Variants in SLC47A2 observed in about 807,000 individuals in gnomAD.
SLC47A2 encodes the protein solute carrier family 47 member 2, also known as multidrug and toxin extrusion protein 2.
SLC47A2 carries 52 observed loss-of-function variants against 67.7 expected under a neutral mutation model. The observed-to-expected ratio is 0.77, with a 90% confidence interval of 0.61 to 0.97. The LOEUF is 0.97. Among genes scored for constraint, SLC47A2 ranks in the 50% least tolerant of loss-of-function variants. SLC47A2 has a pLI of 0.00. For missense variants in SLC47A2, 676 were observed against 712.3 expected (o/e 0.95, Z 0.58); for synonymous variants, 278 against 292.9 (o/e 0.95, Z 0.52).
At chr17:19,707,033 T>G (rs2085958413) in intron 8 of SLC47A2, among the ~76,000 whole-genome samples, 1 of 152,054 alleles carries the variant, frequency 6.6e-6, no homozygotes, top group East Asian at 1.9e-4. Context: ...TGGTCCCCAC[T>G]CCACCACCCA....
intron 10 of SLC47A2, 163 bp downstream of exon 10, chr17:19,705,273 C>G (rs1169439124): frequency 1.7e-6 from 1 of 599,174 alleles, no homozygotes; most frequent in African/African-American, 1.9e-5. Context: ...GTGTGTGAGT[C>G]CTGGCGTAAG....
At chr17:19,716,038 T>A (rs928419007) in intron 1 of SLC47A2, 7 of 177,658 alleles carry the variant, frequency 3.9e-5, no homozygotes, top group Non-Finnish European at 1.2e-5. Context: ...AAAATAAATG[T>A]ATTTAAAACA....
chr17:19,705,312 G>T, intron 10 of SLC47A2, 124 bp downstream of exon 10: 2 of 1,031,824 alleles, frequency 1.9e-6, no homozygotes, highest in South Asian at 1.5e-5. Context: ...TGGTGGGCAC[G>T]AGAGGCCCGG....
intron 2 of SLC47A2, 25 bp from the exon 3 acceptor site, chr17:19,714,814 AAGAGCTTGTCAGGTGAGGCCTGAAG>A (rs2086206011): frequency 6.2e-7 from 1 of 1,613,772 alleles, no homozygotes; most frequent in East Asian, 2.2e-5. Context: ...AGGAGGAAAC[AAGAGCTTGTCAGGTGAGGCCTGAAG>A]AGAGGCCCCT....
Position 19,707,726 on chromosome 17 carries a change from G to T in SLC47A2, c.727+20C>A. 2 of 1,569,196 alleles carry T rather than the reference G, an allele frequency of 1.3e-6. No individual in the cohort carries two copies. The highest frequency in any genetic ancestry group is 1.2e-5 in the South Asian group (1 of 85,236). ...CACCGCTGGCCTGCTCAGCCTCCCA[G>T]AGCAGGCCAGGCCTCCCACCTGCCC... On this transcript the variant is annotated intron_variant, in intron 8 of 16. Coordinates refer to ENST00000433844, the MANE Select transcript of SLC47A2 (RefSeq NM_001099646.3).
At chr17:19,692,405 G>A (rs1387152741) in intron 13 of SLC47A2, 7 of 359,398 alleles carry the variant, frequency 1.9e-5, no homozygotes, top group Non-Finnish European at 3.2e-5. Context: ...GAAATATGAA[G>A]AGCAACTTCA....
At chr17:19,690,713 C>G (rs761623735) in intron 13 of SLC47A2, among the ~76,000 whole-genome samples, 1 of 152,128 alleles carries the variant, frequency 6.6e-6, no homozygotes, top group Non-Finnish European at 1.5e-5. Flanking sequence ...CATCACTGAT[C>G]GTTAGAGAAA....
At chr17:19,708,983 A>G (rs1597633664) in intron 5 of SLC47A2, among the ~76,000 whole-genome samples, 1 of 152,254 alleles carries the variant, frequency 6.6e-6, no homozygotes, top group East Asian at 1.9e-4. Flanking sequence ...CCCTTCTGCC[A>G]CAGGGGAGAT....
intron 10 of SLC47A2, among the ~76,000 whole-genome samples, chr17:19,704,449 T>A (rs1597622795): frequency 6.6e-6 from 1 of 152,242 alleles, no homozygotes; most frequent in Non-Finnish European, 1.5e-5. Context: ...GCAACCGAAA[T>A]CACTGTGTTG....
intron 13 of SLC47A2, among the ~76,000 whole-genome samples, chr17:19,693,161 G>C (rs1210228414): frequency 2.6e-5 from 4 of 151,792 alleles, no homozygotes; most frequent in South Asian, 4.2e-4. Flanking sequence ...AGAAATGCAA[G>C]GTATAACACC....
At chr17:19,715,445 C>G (rs2152365385) in intron 1 of SLC47A2, among the ~76,000 whole-genome samples, 1 of 69,706 alleles carries the variant, frequency 1.4e-5, no homozygotes. Flanking sequence ...GGGTCAGTGC[C>G]TGGCGCAGCG....
chr17:19,695,845 T>A (rs1412699225), intron 13 of SLC47A2, among the ~76,000 whole-genome samples: 1 of 151,832 alleles, frequency 6.6e-6, no homozygotes, highest in Non-Finnish European at 1.5e-5. Flanking sequence ...TGCCTCAGCC[T>A]CCTGAGTAGC....
Position 19,708,779 on chromosome 17 carries a change from CA to C in SLC47A2, c.487-20del, listed in dbSNP as rs756873836. 1 of 1,613,788 alleles carries C rather than the reference CA, an allele frequency of 6.2e-7. No homozygotes were observed. Among genetic ancestry groups the C allele is most frequent in the South Asian group, 1.1e-5 (1 of 91,050 alleles). On this transcript the variant is annotated intron_variant, in intron 5 of 16. Coordinates refer to ENST00000433844, the MANE Select transcript of SLC47A2 (RefSeq NM_001099646.3). ...AAATCACCTGTATGAAAAGCAAACC[CA>C]AACAAATCAACAATAATGACCAAAA...
rs762036921 is a variant in SLC47A2 at position 19,708,584 on chromosome 17, G to A, written c.531+132C>T. On this transcript the variant is annotated intron_variant, in intron 6 of 16. Coordinates refer to ENST00000433844, the MANE Select transcript of SLC47A2 (RefSeq NM_001099646.3). ...TGCGGGAGGTCAGGATATGGCAGGT[G>A]GGTTGGAAGTGACCCCTTTCAAGAG... 4 of 1,596,690 alleles carry A rather than the reference G, an allele frequency of 2.5e-6. 1 individual carries two copies. Among genetic ancestry groups the A allele is most frequent in the South Asian group, 2.2e-5 (2 of 89,888 alleles).
At chr17:19,683,330 CAA>C (rs1466379044) in intron 13 of SLC47A2, among the ~76,000 whole-genome samples, 3 of 152,124 alleles carry the variant, frequency 2.0e-5, no homozygotes, top group East Asian at 1.9e-4. Context: ...CCCCACCAAA[CAA>C]AGAGTTATCT....
chr17:19,693,614 T>TAATAAC (rs1567621287), intron 13 of SLC47A2, among the ~76,000 whole-genome samples: 1 of 148,258 alleles, frequency 6.7e-6, no homozygotes, highest in Non-Finnish European at 1.5e-5. Context: ...CTACTAAAAA[T>TAATAAC]AATAATAATA....
At chr17:19,679,489 G>GC (rs914860516) in intron 16 of SLC47A2, among the ~76,000 whole-genome samples, 15 of 152,038 alleles carry the variant, frequency 9.9e-5, no homozygotes, top group South Asian at 2.1e-4. Flanking sequence ...GATAGCAGGT[G>GC]CCCCCCCAAA....
intron 5 of SLC47A2, among the ~76,000 whole-genome samples, chr17:19,711,497 C>G (rs1351377617): frequency 7.5e-6 from 1 of 134,222 alleles, no homozygotes; most frequent in African/African-American, 2.8e-5. Context: ...GAGGCTGAGG[C>G]AGAATTGCTT....
In SLC47A2 at chr17:19,704,161, G is replaced by A. The variant is rs552694046; in HGVS notation, c.927C>T (p.Ser309=). The change falls in exon 11 of 17, where the codon AGC becomes AGT. Residue 309 remains serine (S), a synonymous_variant. Coordinates refer to ENST00000433844, the MANE Select transcript of SLC47A2 (RefSeq NM_001099646.3). The part of the protein sequence containing the change: ...TVTYMIPLGL[S]IGVCVRVGMA... ...TCCCCACTCGGACACAGACCCCGAT[G>A]CTGAGCCCCAAGGGAATCTGGGATC... The A allele has an allele frequency of 1.7e-5, 28 of 1,610,070 alleles. No individual in the cohort carries two copies. The highest frequency in any genetic ancestry group is 2.4e-5 in the Non-Finnish European group (28 of 1,178,830).
Sources: gnomAD v4.1 joint callset for allele counts (sites outside exome capture counted in the v4.1 genomes callset) on GRCh38, gnomAD v4.1.1 for gene constraint, MANE v1.5 for transcripts, NCBI Gene and HGNC (gene_info 2026-07-23, HGNC 2026-07-21) for gene names.